The following GABRB1 variants were observed in gnomAD, a reference collection of about 807,000 sequenced individuals.
GABRB1 encodes gamma-aminobutyric acid type A receptor subunit beta1, also known as gamma-aminobutyric acid receptor subunit beta-1.
In GABRB1, 17 loss-of-function variants were observed where a neutral mutation model predicts 51.6. The ratio of observed to expected loss-of-function variants is 0.33; its 90% CI spans 0.23 to 0.49. The LOEUF is 0.49. Ranked by LOEUF, GABRB1 falls within the 20% of genes least tolerant of loss-of-function variation. GABRB1 has a pLI of 0.99. For synonymous variants in GABRB1, 247 were observed against 218.9 expected, an observed-to-expected ratio of 1.13 and a Z score of -1.14; for missense variants, 410 against 600.6, an observed-to-expected ratio of 0.68 and a Z score of 3.32.
intron 3 of GABRB1, among the ~76,000 whole-genome samples, chr4:47,136,196 T>C (rs1481892147): frequency 6.6e-6 from 1 of 152,184 alleles, no homozygotes; most frequent in Non-Finnish European, 1.5e-5. Flanking sequence ...CTCCATGTGT[T>C]GCTCAGGTTG....
intron 3 of GABRB1, among the ~76,000 whole-genome samples, chr4:47,123,303 T>G (rs1467835056): frequency 7.4e-6 from 1 of 135,906 alleles, no homozygotes; most frequent in African/African-American, 2.7e-5. Flanking sequence ...ATATATAATA[T>G]GTATTATATA....
At chr4:47,258,681 A>G (rs952174929) in intron 4 of GABRB1, among the ~76,000 whole-genome samples, 6 of 152,242 alleles carry the variant, frequency 3.9e-5, no homozygotes, top group Admixed American at 1.3e-4. Context: ...CTACCGAATT[A>G]CAATATTCAG....
At chr4:47,242,349 G>A (rs1350462153) in intron 4 of GABRB1, among the ~76,000 whole-genome samples, 20 of 152,274 alleles carry the variant, frequency 1.3e-4, no homozygotes, top group South Asian at 6.2e-4. Context: ...ATAAACATAC[G>A]TGTGCATGTG....
intron 3 of GABRB1, among the ~76,000 whole-genome samples, chr4:47,093,605 C>T (rs1043219224): frequency 6.6e-6 from 1 of 152,170 alleles, no homozygotes; most frequent in Admixed American, 6.5e-5. Flanking sequence ...TATTACTTAT[C>T]ACAGTCTGCA....
chr4:47,138,492 C>A (rs1716773692), intron 3 of GABRB1, among the ~76,000 whole-genome samples: 1 of 152,016 alleles, frequency 6.6e-6, no homozygotes, highest in Non-Finnish European at 1.5e-5. Context: ...TCTGACCAAT[C>A]TGAATTTTTT....
At chr4:47,123,015 T>C (rs1364460717) in intron 3 of GABRB1, among the ~76,000 whole-genome samples, 1 of 152,112 alleles carries the variant, frequency 6.6e-6, no homozygotes, top group Non-Finnish European at 1.5e-5. Context: ...ACTGTCTTAT[T>C]AACCTACAAA....
intron 8 of GABRB1, among the ~76,000 whole-genome samples, chr4:47,411,006 G>T (rs1390046408): frequency 6.6e-6 from 1 of 151,996 alleles, no homozygotes; most frequent in Non-Finnish European, 1.5e-5. Flanking sequence ...CATTCTTTGG[G>T]GAAGATAGCA....
At chr4:47,298,637 C>T (rs1236361503) in intron 4 of GABRB1, among the ~76,000 whole-genome samples, 2 of 152,138 alleles carry the variant, frequency 1.3e-5, no homozygotes, top group Non-Finnish European at 2.9e-5. Flanking sequence ...TAGGAAGAAT[C>T]AATATCGTAA....
chr4:47,120,318 G>A (rs570833688), intron 3 of GABRB1, among the ~76,000 whole-genome samples: 24 of 152,166 alleles, frequency 1.6e-4, no homozygotes, highest in Non-Finnish European at 2.5e-4. Context: ...CACTTTCAGC[G>A]TTTGATAGAT....
At chr4:47,399,667 T>G (rs1288065797) in intron 5 of GABRB1, among the ~76,000 whole-genome samples, 1 of 152,228 alleles carries the variant, frequency 6.6e-6, no homozygotes, top group Non-Finnish European at 1.5e-5. Flanking sequence ...AGATGATATG[T>G]CCTCTGAATC....
chr4:47,127,796 C>T (rs772235579), intron 3 of GABRB1, among the ~76,000 whole-genome samples: 1 of 151,734 alleles, frequency 6.6e-6, no homozygotes, highest in Non-Finnish European at 1.5e-5. Flanking sequence ...TAAAGTAATG[C>T]CTCCTACTGT....
intron 5 of GABRB1, among the ~76,000 whole-genome samples, chr4:47,376,874 A>G (rs1312412555): frequency 6.6e-6 from 1 of 152,248 alleles, no homozygotes; most frequent in Admixed American, 6.5e-5. Context: ...ATTAGAATAC[A>G]AACAAGACAG....
intron 4 of GABRB1, among the ~76,000 whole-genome samples, chr4:47,164,327 A>C (rs1456672936): frequency 3.9e-5 from 6 of 152,120 alleles, no homozygotes; most frequent in Non-Finnish European, 5.9e-5. Context: ...TCCTAGTCTA[A>C]GAAATGACAG....
rs1352848688 is a variant in GABRB1, at chr4:47,057,996, T to TGAA, written c.240+25514_240+25516dup. Reference sequence around the variant, plus strand: ...AACAGCCAAACTCTGAGCAAGAGACTGAAGTCTGGAGACCACAAAATGCAT... The same window carrying TGAA: ...AACAGCCAAACTCTGAGCAAGAGACTGAAGAAGTCTGGAGACCACAAAATGCAT... On this transcript the variant is annotated intron_variant, in intron 3 of 8. Transcript: ENST00000295454. 3.3e-5 allele frequency among the ~76,000 whole-genome samples: 5 copies of TGAA among 152,304 alleles called. No homozygotes were observed. In the East Asian group the frequency reaches 9.6e-4, roughly 29 times the overall value.
At position 47,173,436 on chromosome 4, in the gene GABRB1, A is replaced by T. The variant is rs144938166; in HGVS notation, c.461+11967A>T. On this transcript the variant is annotated intron_variant, in intron 4 of 8. Transcript: ENST00000295454. The stretch of plus-strand genomic sequence containing the variant: ...AATATCTTATTTTCCAGCACAACAG[A>T]CATAGGGCCTGACAACTATTCAACA... Among the ~76,000 whole-genome samples the T allele has an allele frequency of 2.2e-4, 34 of 152,322 alleles. No homozygotes were observed. In the East Asian group the frequency reaches 5.6e-3, roughly 25 times the overall value.
chr4:47,056,479 G>T (rs951139907), intron 3 of GABRB1, among the ~76,000 whole-genome samples: 4 of 152,212 alleles, frequency 2.6e-5, no homozygotes, highest in Admixed American at 1.3e-4. Context: ...TGGTGGCTCA[G>T]GTCACATATA....
chr4:47,087,518 G>A (rs558025571), intron 3 of GABRB1, among the ~76,000 whole-genome samples: 6 of 151,578 alleles, frequency 4.0e-5, no homozygotes, highest in East Asian at 1.9e-4. Context: ...ACTCTGAGGC[G>A]CTGCATCCCC....
intron 5 of GABRB1, among the ~76,000 whole-genome samples, chr4:47,326,973 C>T (rs2109970075): frequency 6.6e-6 from 1 of 152,232 alleles, no homozygotes; most frequent in Non-Finnish European, 1.5e-5. Context: ...ATCACTAAAC[C>T]TAGTCTAGTA....
intron 4 of GABRB1, among the ~76,000 whole-genome samples, chr4:47,165,728 G>C (rs1312858985): frequency 6.6e-6 from 1 of 152,036 alleles, no homozygotes; most frequent in Non-Finnish European, 1.5e-5. Flanking sequence ...CCAAACCACT[G>C]AGTTTCCAAA....
Sources: allele counts gnomAD v4.1 joint callset (sites outside exome capture counted in the v4.1 genomes callset), GRCh38; gene constraint gnomAD v4.1.1; transcripts MANE v1.5; gene names NCBI Gene and HGNC (gene_info 2026-07-23, HGNC 2026-07-21).